Variants in CDH13 observed in about 807,000 individuals in gnomAD.
CDH13 encodes cadherin 13, also known as cadherin-13.
CDH13 carries 24 observed loss-of-function variants against 63.8 expected under a neutral mutation model. That is an observed-to-expected ratio of 0.38 (90% CI 0.27 to 0.53). The LOEUF (loss-of-function observed/expected upper bound fraction) is 0.53. CDH13 is among the 20% of genes least tolerant of loss of function. The pLI is 0.85. For missense variants in CDH13, 1,049 were observed against 903.1 expected (o/e 1.16, Z -2.07); for synonymous variants, 503 against 355.3 (o/e 1.42, Z -4.67).
chr16:83,355,511 G>C (rs779313539), intron 6 of CDH13, among the ~76,000 whole-genome samples: 2 of 152,156 alleles, frequency 1.3e-5, no homozygotes, highest in African/African-American at 2.4e-5. Context: ...AATTCCACTG[G>C]ATGAACAAAT....
At chr16:82,923,248 C>G (rs2151283819) in intron 2 of CDH13, among the ~76,000 whole-genome samples, 1 of 152,338 alleles carries the variant, frequency 6.6e-6, no homozygotes, top group South Asian at 2.1e-4. Context: ...TGTGTCCATA[C>G]TGCTCAGTAT....
chr16:83,241,907 G>T (rs1392576405), intron 5 of CDH13, among the ~76,000 whole-genome samples: 3 of 152,074 alleles, frequency 2.0e-5, no homozygotes, highest in Non-Finnish European at 2.9e-5. Context: ...AGAAATCATT[G>T]TAAAATCCAA....
At chr16:83,628,656 CCTCT>C (rs1910529416) in intron 8 of CDH13, among the ~76,000 whole-genome samples, 1 of 152,284 alleles carries the variant, frequency 6.6e-6, no homozygotes, top group East Asian at 1.9e-4. Flanking sequence ...TGGAGTGTGT[CCTCT>C]CTATCTAGTC....
At chr16:83,216,806 A>G (rs1209528113) in intron 4 of CDH13, among the ~76,000 whole-genome samples, 1 of 150,672 alleles carries the variant, frequency 6.6e-6, no homozygotes, top group African/African-American at 2.4e-5. Context: ...AGATGTGTGT[A>G]TGTGTATATA....
At chr16:82,820,406 G>A (rs2037947766) in intron 1 of CDH13, among the ~76,000 whole-genome samples, 2 of 152,068 alleles carry the variant, frequency 1.3e-5, no homozygotes, top group African/African-American at 4.8e-5. Flanking sequence ...CAACCCTTTG[G>A]GGTAGGAACT....
intron 8 of CDH13, among the ~76,000 whole-genome samples, chr16:83,607,044 C>T (rs1417578412): frequency 1.3e-5 from 2 of 151,950 alleles, no homozygotes; most frequent in African/African-American, 4.8e-5. Flanking sequence ...CAGTTGTCTT[C>T]AGTTGGTATG....
intron 4 of CDH13, among the ~76,000 whole-genome samples, chr16:83,137,002 G>C (rs1356551702): frequency 6.6e-6 from 1 of 152,244 alleles, no homozygotes; most frequent in Non-Finnish European, 1.5e-5. Context: ...CCATGAAGGA[G>C]TAGGGTTGAC....
chr16:82,717,586 A>C (rs1484071025), intron 1 of CDH13, among the ~76,000 whole-genome samples: 3 of 152,154 alleles, frequency 2.0e-5, no homozygotes, highest in Admixed American at 1.3e-4. Flanking sequence ...GGTTCCCGAC[A>C]TTCCTTAGCT....
At chr16:83,035,796 G>T (rs558442731) in intron 3 of CDH13, among the ~76,000 whole-genome samples, 23 of 152,170 alleles carry the variant, frequency 1.5e-4, no homozygotes, top group Non-Finnish European at 1.9e-4. Flanking sequence ...TGATTTTTTC[G>T]TCTGTAACAT....
chr16:83,523,509 A>G (rs978727793), intron 7 of CDH13, among the ~76,000 whole-genome samples: 3 of 152,134 alleles, frequency 2.0e-5, no homozygotes, highest in Non-Finnish European at 4.4e-5. Context: ...CCACTGGAGC[A>G]GCCTGTACCC....
At chr16:83,276,327 G>A (rs2088987075) in intron 5 of CDH13, among the ~76,000 whole-genome samples, 1 of 152,086 alleles carries the variant, frequency 6.6e-6, no homozygotes, top group African/African-American at 2.4e-5. Context: ...CATTGAATAA[G>A]TTGAGGGTTT....
At chr16:82,766,221 C>A (rs1278722127) in intron 1 of CDH13, among the ~76,000 whole-genome samples, 2 of 152,194 alleles carry the variant, frequency 1.3e-5, no homozygotes, top group East Asian at 1.9e-4. Context: ...AGCGTAACTT[C>A]TTTTTTTAAG....
intron 5 of CDH13, among the ~76,000 whole-genome samples, chr16:83,335,866 G>C (rs548858965): frequency 6.6e-6 from 1 of 152,208 alleles, no homozygotes; most frequent in African/African-American, 2.4e-5. Flanking sequence ...GACAGGAATT[G>C]CTCACTTGGG....
intron 3 of CDH13, among the ~76,000 whole-genome samples, chr16:83,096,779 C>T (rs765219825): frequency 5.3e-5 from 8 of 152,058 alleles, no homozygotes; most frequent in South Asian, 2.1e-4. Flanking sequence ...TCTGATCAAC[C>T]GCAAGAGTAG....
chr16:82,800,178 G>A (rs189482954), intron 1 of CDH13, among the ~76,000 whole-genome samples: 3 of 151,880 alleles, frequency 2.0e-5, no homozygotes, highest in Admixed American at 6.6e-5. Context: ...GTTTACTTGG[G>A]GTTAAAATTT....
At chr16:83,348,113 C>T (rs1462834916) in intron 6 of CDH13, among the ~76,000 whole-genome samples, 3 of 152,088 alleles carry the variant, frequency 2.0e-5, no homozygotes, top group Admixed American at 1.3e-4. Flanking sequence ...TTGCTTGAAC[C>T]CAGGAGGCGG....
At chr16:82,747,139 G>A (rs1198890315) in intron 1 of CDH13, among the ~76,000 whole-genome samples, 4 of 152,126 alleles carry the variant, frequency 2.6e-5, no homozygotes, top group Non-Finnish European at 5.9e-5. Context: ...AGAATGAAAT[G>A]TTGTTGTACC....
At chr16:83,167,499 CAAAAAAAA>C (rs11430454) in intron 4 of CDH13, among the ~76,000 whole-genome samples, 38 of 99,522 alleles carry the variant, frequency 3.8e-4, no homozygotes, top group Admixed American at 3.7e-4. Context: ...GACCCTTTCC[CAAAAAAAA>C]AAAAAAAAAA....
At chr16:83,327,833 T>TA (rs2090397919) in intron 5 of CDH13, among the ~76,000 whole-genome samples, 1 of 152,072 alleles carries the variant, frequency 6.6e-6, no homozygotes, top group African/African-American at 2.4e-5. Flanking sequence ...GACCCCAAAA[T>TA]AAAAATTAAC....
Sources: allele counts gnomAD v4.1 joint callset (sites outside exome capture counted in the v4.1 genomes callset), GRCh38; gene constraint gnomAD v4.1.1; transcripts MANE v1.5; gene names NCBI Gene and HGNC (gene_info 2026-07-23, HGNC 2026-07-21).